Variants in TMBIM1 observed in about 807,000 individuals in gnomAD.
TMBIM1 encodes transmembrane BAX inhibitor motif containing 1, also known as protein lifeguard 3.
TMBIM1 carries 34 observed loss-of-function variants against 45.1 expected under a neutral mutation model. That is an observed-to-expected ratio of 0.75 (90% CI 0.57 to 1.00). The LOEUF (loss-of-function observed/expected upper bound fraction) is 1.00, where lower values mean the gene tolerates loss of function less well. Among genes scored for constraint, TMBIM1 ranks in the 50% least tolerant of loss-of-function variants. TMBIM1 has a pLI of 0.00. For missense variants in TMBIM1, 374 were observed against 402.4 expected (o/e 0.93, Z 0.60); for synonymous variants, 157 against 153.5 (o/e 1.02, Z -0.17).
intron 1 of TMBIM1, chr2:218,286,564 T>G (rs1663024834): frequency 6.6e-6 from 1 of 152,170 alleles, no homozygotes; most frequent in African/African-American, 2.4e-5. Context: ...CACAAGTGGG[T>G]GAGCTCAGAC....
At chr2:218,283,683 A>G (rs1388400863) in intron 1 of TMBIM1, among the ~76,000 whole-genome samples, 2 of 152,230 alleles carry the variant, frequency 1.3e-5, no homozygotes, top group Non-Finnish European at 2.9e-5. Flanking sequence ...TCGGGGATCA[A>G]ATAAAGGACT....
At chr2:218,291,420 C>T (rs1263167175) in intron 1 of TMBIM1, among the ~76,000 whole-genome samples, 1 of 152,210 alleles carries the variant, frequency 6.6e-6, no homozygotes, top group African/African-American at 2.4e-5. Flanking sequence ...AAGTCGCCAG[C>T]TTGGAAACCA....
In TMBIM1 at chr2:218,275,468, T is replaced by C. The variant is rs1691094737; in HGVS notation, c.*7A>G. The C allele has an allele frequency of 6.2e-7, 1 of 1,611,186 alleles. No individual in the cohort carries two copies. Among genetic ancestry groups the C allele is most frequent in the Non-Finnish European group, 8.5e-7 (1 of 1,178,246 alleles). ...CCCAGGATCGGGTGAAAATGGGGGC[T>C]TGCTCCTTAATTGCGATCCCCCATC... is the stretch of plus-strand genomic sequence containing the variant. On this transcript the variant is annotated 3_prime_UTR_variant, in exon 12 of 12. Transcript: ENST00000258412.
chr2:218,275,560 T>C lies in TMBIM1; in HGVS notation c.851A>G (p.Asp284Gly). The C allele has an allele frequency of 6.2e-7, 1 of 1,613,906 alleles. No homozygotes were observed. ...GNRKHTISPE[D>G]YITGALQIYT... ...AATCTGCAGGGCGCCAGTGATGTAG[T>C]CCTCGGGGCTGATGGTGTGCTTCCG... Residue 284 changes from aspartate to glycine, a missense_variant, in exon 12 of 12, where the codon GAC (aspartate) becomes GGC (glycine). Coordinates refer to ENST00000258412, the MANE Select transcript of TMBIM1 (RefSeq NM_022152.6).
rs1691593555 is a variant in TMBIM1, at chr2:218,279,217, C to G, written c.368+72G>C. ...TCACCCTGAGAGCAGGGCCCACCGC[C>G]ACCCACACCCCCAGCAGGTGACCCT... is the stretch of plus-strand genomic sequence containing the variant. On this transcript the variant is annotated intron_variant, in intron 4 of 11. Coordinates refer to ENST00000258412, the MANE Select transcript of TMBIM1 (RefSeq NM_022152.6). The G allele has an allele frequency of 3.2e-6, 5 of 1,554,124 alleles. No individual in the cohort carries two copies. In the African/African-American group the frequency reaches 6.8e-5, roughly 21 times the overall value.
At position 218,279,077 on chromosome 2, in the gene TMBIM1, G is replaced by T. The variant is rs1432039360; in HGVS notation, c.383C>A (p.Ala128Asp). The T allele has an allele frequency of 3.7e-6, 6 of 1,614,080 alleles. No individual in the cohort carries two copies. The South Asian group carries it at 6.6e-5, about 18-fold the overall frequency. ...GACAGCCACATTTCTCCTCACAAAGGCGCTGACAGGTTCCCTGTGGGGCAC... is the reference window on the plus strand; with the variant it reads ...GACAGCCACATTTCTCCTCACAAAGTCGCTGACAGGTTCCCTGTGGGGCAC... ...AIFTFVEPVS[A>D]FVRRNVAVYY... Residue 128 changes from alanine to aspartate, a missense_variant, in exon 5 of 12, where the codon GCC becomes GAC. Ala to Asp is a moderately radical substitution (Grantham distance 126). Transcript: ENST00000258412.
At chr2:218,276,454 C>G (rs1463979855) in intron 10 of TMBIM1, among the ~76,000 whole-genome samples, 1 of 152,170 alleles carries the variant, frequency 6.6e-6, no homozygotes, top group Non-Finnish European at 1.5e-5. Flanking sequence ...GGAGGCCCCC[C>G]AACCCCTCTG....
chr2:218,277,718 G>A, intron 7 of TMBIM1, 48 bp from the exon 8 acceptor site: 1 of 1,612,408 alleles, frequency 6.2e-7, no homozygotes, highest in Non-Finnish European at 8.5e-7. Flanking sequence ...AAGGAAGGAA[G>A]GCAGGGTGCT....
chr2:218,282,095 A>G lies in TMBIM1; in HGVS notation c.47T>C (p.Leu16Pro). Residue 16 changes from leucine to proline, a missense_variant, in exon 2 of 12, where the codon CTG (leucine) becomes CCG (proline). Leu to Pro is a moderately conservative substitution (Grantham distance 98, BLOSUM62 -3). Transcript: ENST00000258412. The part of the protein sequence containing the change: ...APPPYEDRNP[L>P]YPGPPPPGGY... ...CCCAGGGGGCGGAGGGCCTGGGTACAGGGGGTTGCGGTCTTCATATGGTGG... is the reference window on the plus strand; with the variant it reads ...CCCAGGGGGCGGAGGGCCTGGGTACGGGGGGTTGCGGTCTTCATATGGTGG... The G allele has an allele frequency of 6.4e-7, 1 of 1,573,280 alleles. No individual in the cohort carries two copies. The highest frequency in any genetic ancestry group is 8.6e-7 in the Non-Finnish European group (1 of 1,160,584).
rs1692047899 is a variant in TMBIM1 at position 218,281,929 on chromosome 2, C to T, written c.202+11G>A. ...TCCCACCCACCTTCCATCTGCCCTT[C>T]CAGGACTCACCGTAGTTCATGGGCA... On this transcript the variant is annotated intron_variant, in intron 2 of 11. Transcript: ENST00000258412. The T allele has an allele frequency of 6.3e-7, 1 of 1,582,442 alleles. No individual in the cohort carries two copies. Among genetic ancestry groups the T allele is most frequent in the Non-Finnish European group, 8.6e-7 (1 of 1,164,624 alleles).
intron 1 of TMBIM1, among the ~76,000 whole-genome samples, chr2:218,284,608 T>C (rs1692350973): frequency 6.6e-6 from 1 of 152,232 alleles, no homozygotes; most frequent in Non-Finnish European, 1.5e-5. Flanking sequence ...CATGTGCTAG[T>C]AGGCCTGCCT....
In TMBIM1 at chr2:218,279,096, G is replaced by T. The variant is rs373924930; in HGVS notation, c.369-5C>A. On this transcript the variant is annotated splice_region_variant and splice_polypyrimidine_tract_variant and intron_variant, in intron 4 of 11. Coordinates refer to ENST00000258412, the MANE Select transcript of TMBIM1 (RefSeq NM_022152.6). ...ACAAAGGCGCTGACAGGTTCCCTGT[G>T]GGGCACAGGAGGACAGGAGTAGTCA... 35 of 1,613,968 alleles carry T rather than the reference G, an allele frequency of 2.2e-5. No homozygotes were observed. Among genetic ancestry groups the T allele is most frequent in the East Asian group, 1.8e-4 (8 of 44,872 alleles).
intron 1 of TMBIM1, among the ~76,000 whole-genome samples, chr2:218,292,134 C>A (rs1352676943): frequency 6.6e-6 from 1 of 152,202 alleles, no homozygotes; most frequent in East Asian, 1.9e-4. Context: ...ATAGGCCCTG[C>A]GACAGAGAGG....
At position 218,277,939 on chromosome 2, in the gene TMBIM1, A is replaced by T; in HGVS notation, c.509T>A (p.Leu170His). The T allele has an allele frequency of 6.2e-7, 1 of 1,614,192 alleles. No individual in the cohort carries two copies. Among genetic ancestry groups the T allele is most frequent in the Non-Finnish European group, 8.5e-7 (1 of 1,180,026 alleles). Residue 170 changes from leucine to histidine, a missense_variant, in exon 7 of 12, where the codon CTT becomes CAT. Physicochemically the swap from Leu to His is moderately conservative, Grantham distance 99 (BLOSUM62 -3). Transcript: ENST00000258412. ...RFPWNIILLT[L>H]FTFAMGFMTG... ...CTGCCACCCTTCTAGACTTACAAAA[A>T]GGGTCAGCAGAATGATGTTCCATGG...
At chr2:218,289,246 G>A (rs181374617) in intron 1 of TMBIM1, among the ~76,000 whole-genome samples, 6 of 14,788 alleles carry the variant, frequency 4.1e-4, no homozygotes, top group Non-Finnish European at 8.1e-4. Context: ...TCCTGGGCTA[G>A]GAGGTGGGGA....
intron 2 of TMBIM1, among the ~76,000 whole-genome samples, chr2:218,281,656 A>T (rs544085047): frequency 6.6e-6 from 1 of 152,324 alleles, no homozygotes; most frequent in Admixed American, 6.5e-5. Flanking sequence ...GTAACCCCTC[A>T]GGAGTCATTA....
At chr2:218,279,995 A>T in intron 3 of TMBIM1, 31 bp downstream of exon 3, 1 of 1,590,632 alleles carries the variant, frequency 6.3e-7, no homozygotes, top group Non-Finnish European at 8.6e-7. Flanking sequence ...GAGGGGCCCC[A>T]GGTACACCCA....
In TMBIM1 at chr2:218,288,982, T is replaced by C. The variant is rs1220514257; in HGVS notation, c.-41+3484A>G. 2.6e-5 allele frequency among the ~76,000 whole-genome samples: 4 copies of C among 152,088 alleles called. No homozygotes were observed. The East Asian group carries it at 5.8e-4, about 22-fold the overall frequency. On this transcript the variant is annotated intron_variant, in intron 1 of 11. Transcript: ENST00000258412. ...AATTCAGAAAAAAAGAGATCTAGGG[T>C]CCCACAGCAGGCAAACAGCAGAGAT... is the stretch of plus-strand genomic sequence containing the variant.
At chr2:218,277,172 G>A (rs1473098615) in intron 9 of TMBIM1, 73 bp from the exon 10 acceptor site, 1 of 1,374,222 alleles carries the variant, frequency 7.3e-7, no homozygotes, top group Admixed American at 1.7e-5. Flanking sequence ...GCCCTGCCAG[G>A]GAGTCCCAGT....
Sources: gnomAD v4.1 joint callset for allele counts (sites outside exome capture counted in the v4.1 genomes callset) on GRCh38, gnomAD v4.1.1 for gene constraint, MANE v1.5 for transcripts, NCBI Gene and HGNC (gene_info 2026-07-23, HGNC 2026-07-21) for gene names.